The following HS6ST3 variants were observed in gnomAD, a reference collection of about 807,000 sequenced individuals.
The protein encoded by HS6ST3 is heparan-sulfate 6-O-sulfotransferase 3.
HS6ST3 carries 12 observed loss-of-function variants against 36.7 expected under a neutral mutation model. The ratio of observed to expected loss-of-function variants is 0.33; its 90% CI spans 0.21 to 0.53. The LOEUF (loss-of-function observed/expected upper bound fraction) is 0.53, where lower values mean the gene tolerates loss of function less well. HS6ST3 is among the 20% of genes least tolerant of loss of function. HS6ST3 has a pLI of 0.95. For synonymous variants in HS6ST3, 240 were observed against 257.5 expected, an observed-to-expected ratio of 0.93 and a Z score of 0.65; for missense variants, 584 against 640.9, an observed-to-expected ratio of 0.91 and a Z score of 0.96.
chr13:96,278,060 G>A (rs2054756962), intron 1 of HS6ST3, among the ~76,000 whole-genome samples: 1 of 152,162 alleles, frequency 6.6e-6, no homozygotes, highest in Admixed American at 6.6e-5. Flanking sequence ...TGGCTGACAT[G>A]GCTAACCTGT....
chr13:96,402,306 A>T (rs1758018424), intron 1 of HS6ST3, among the ~76,000 whole-genome samples: 1 of 152,224 alleles, frequency 6.6e-6, no homozygotes, highest in African/African-American at 2.4e-5. Flanking sequence ...ATAAAATTGT[A>T]ATGAGGATTA....
At chr13:96,093,983 A>G (rs1430069253) in intron 1 of HS6ST3, among the ~76,000 whole-genome samples, 1 of 152,150 alleles carries the variant, frequency 6.6e-6, no homozygotes, top group Non-Finnish European at 1.5e-5. Flanking sequence ...GATCTTGTTG[A>G]TTTTGGTTCC....
At chr13:96,550,706 T>A (rs1379249242) in intron 1 of HS6ST3, among the ~76,000 whole-genome samples, 2 of 152,062 alleles carry the variant, frequency 1.3e-5, no homozygotes, top group Non-Finnish European at 2.9e-5. Context: ...ATGTATTGAG[T>A]GAAGGGAGGA....
intron 1 of HS6ST3, among the ~76,000 whole-genome samples, chr13:96,439,766 G>A (rs1594780732): frequency 6.6e-6 from 1 of 152,218 alleles, no homozygotes; most frequent in Non-Finnish European, 1.5e-5. Context: ...AGAGGCTAGG[G>A]TTGTGTGGTT....
chr13:96,357,799 G>T (rs911266986), intron 1 of HS6ST3, among the ~76,000 whole-genome samples: 3 of 152,180 alleles, frequency 2.0e-5, no homozygotes, highest in African/African-American at 7.2e-5. Context: ...TGGGATTACA[G>T]ACGTGAGCCA....
intron 1 of HS6ST3, among the ~76,000 whole-genome samples, chr13:96,228,993 C>T (rs1458969252): frequency 6.6e-6 from 1 of 152,052 alleles, no homozygotes; most frequent in African/African-American, 2.4e-5. Flanking sequence ...GTACATGCAG[C>T]TCAGACAAGA....
intron 1 of HS6ST3, among the ~76,000 whole-genome samples, chr13:96,300,349 A>C (rs1218167077): frequency 1.3e-5 from 2 of 151,858 alleles, no homozygotes; most frequent in Admixed American, 1.3e-4. Flanking sequence ...GAGCCACCAC[A>C]CCTGGCCGTG....
At chr13:96,735,637 T>A (rs1876264650) in intron 1 of HS6ST3, among the ~76,000 whole-genome samples, 1 of 152,178 alleles carries the variant, frequency 6.6e-6, no homozygotes, top group Non-Finnish European at 1.5e-5. Context: ...TTCCTCGTAT[T>A]TCCTGAGTTC....
chr13:96,207,574 A>G (rs1048093768), intron 1 of HS6ST3, among the ~76,000 whole-genome samples: 1 of 152,206 alleles, frequency 6.6e-6, no homozygotes, highest in African/African-American at 2.4e-5. Context: ...ACATGGAATC[A>G]ACCTAAATGC....
At chr13:96,195,831 A>G (rs1404207779) in intron 1 of HS6ST3, among the ~76,000 whole-genome samples, 2 of 152,188 alleles carry the variant, frequency 1.3e-5, no homozygotes, top group African/African-American at 4.8e-5. Flanking sequence ...AAACCGGGAT[A>G]TTCTTATATC....
At chr13:96,713,515 C>T (rs1375453531) in intron 1 of HS6ST3, among the ~76,000 whole-genome samples, 1 of 152,104 alleles carries the variant, frequency 6.6e-6, no homozygotes, top group Non-Finnish European at 1.5e-5. Context: ...TTCTGAACAC[C>T]TCTCATATAT....
intron 1 of HS6ST3, among the ~76,000 whole-genome samples, chr13:96,814,890 A>T (rs550742636): frequency 6.6e-6 from 1 of 152,268 alleles, no homozygotes; most frequent in East Asian, 1.9e-4. Context: ...AATCATAATA[A>T]TATTTTTAAA....
At chr13:96,479,604 A>G (rs2055880712) in intron 1 of HS6ST3, among the ~76,000 whole-genome samples, 1 of 152,198 alleles carries the variant, frequency 6.6e-6, no homozygotes, top group Non-Finnish European at 1.5e-5. Flanking sequence ...GACAATGGTT[A>G]GCATTGGATA....
intron 1 of HS6ST3, among the ~76,000 whole-genome samples, chr13:96,664,034 G>C (rs2056655305): frequency 6.6e-6 from 1 of 152,068 alleles, no homozygotes; most frequent in Admixed American, 6.6e-5. Flanking sequence ...ACTGAAAATG[G>C]TCTAAAATTG....
intron 1 of HS6ST3, among the ~76,000 whole-genome samples, chr13:96,124,942 T>G (rs1019172475): frequency 6.6e-6 from 1 of 152,214 alleles, no homozygotes; most frequent in Non-Finnish European, 1.5e-5. Flanking sequence ...GATATTTTAC[T>G]GTGTGACATT....
chr13:96,218,349 T>TG (rs1566291504), intron 1 of HS6ST3, among the ~76,000 whole-genome samples: 2 of 152,034 alleles, frequency 1.3e-5, no homozygotes, highest in East Asian at 1.9e-4. Context: ...AGTGGGAAGC[T>TG]GGGGGGCAAG....
At chr13:96,189,666 C>G (rs1009130830) in intron 1 of HS6ST3, among the ~76,000 whole-genome samples, 1 of 152,134 alleles carries the variant, frequency 6.6e-6, no homozygotes, top group African/African-American at 2.4e-5. Flanking sequence ...GCTTCTTGCT[C>G]ATGTTACTTG....
At chr13:96,461,293 G>T (rs929558551) in intron 1 of HS6ST3, among the ~76,000 whole-genome samples, 4 of 152,168 alleles carry the variant, frequency 2.6e-5, no homozygotes, top group Admixed American at 6.5e-5. Context: ...CAGTTCAGCA[G>T]AAGTGATTGA....
chr13:96,304,241 C>G (rs954915493), intron 1 of HS6ST3, among the ~76,000 whole-genome samples: 2 of 151,822 alleles, frequency 1.3e-5, no homozygotes, highest in Non-Finnish European at 2.9e-5. Flanking sequence ...CCTCACGTTA[C>G]TAGGTTAGTC....
Sources: gnomAD v4.1 joint callset for allele counts (sites outside exome capture counted in the v4.1 genomes callset) on GRCh38, gnomAD v4.1.1 for gene constraint, MANE v1.5 for transcripts, NCBI Gene and HGNC (gene_info 2026-07-23, HGNC 2026-07-21) for gene names.